CPSF6: variants seen among roughly 807,000 people sequenced by gnomAD.
CPSF6 encodes the protein cleavage and polyadenylation specificity factor subunit 6.
CPSF6 carries 10 observed loss-of-function variants against 56.7 expected under a neutral mutation model. The ratio of observed to expected loss-of-function variants is 0.18; its 90% CI spans 0.11 to 0.30. The LOEUF (loss-of-function observed/expected upper bound fraction) is 0.30. Ranked by LOEUF, CPSF6 falls within the 10% of genes least tolerant of loss-of-function variation. The pLI, the probability that CPSF6 is intolerant of heterozygous loss-of-function variation, is 1.00. For synonymous variants in CPSF6, 248 were observed against 244.8 expected (o/e 1.01, Z -0.12); for missense variants, 419 against 722.9 (o/e 0.58, Z 4.82).
Position 69,247,510 on chromosome 12 carries a change from TTTC to T in CPSF6, c.61-3616_61-3614del, listed in dbSNP as rs542969593. Among the ~76,000 whole-genome samples the T allele has an allele frequency of 4.7e-3, 710 of 152,288 alleles. 3 individuals are homozygous for T. Among genetic ancestry groups the T allele is most frequent in the African/African-American group, 0.016 (666 of 41,564 alleles). ...ATAATTAGAGGAATGATGTTGATAT[TTTC>T]TTGTTTTTTGAATGCCATTAAAATT... is the stretch of plus-strand genomic sequence containing the variant. On this transcript the variant is annotated intron_variant, in intron 1 of 9. Coordinates refer to ENST00000435070, the MANE Select transcript of CPSF6 (RefSeq NM_007007.3).
At position 69,241,497 on chromosome 12, in the gene CPSF6, AAAG is replaced by A. The variant is rs879584810; in HGVS notation, c.60+1797_60+1799del. ...TTGGTTCACCTTTCTATGCACAATA[AAAG>A]AAGAATTGGGTCTCAATTTTAGAAG... is the stretch of plus-strand genomic sequence containing the variant. On this transcript the variant is annotated intron_variant, in intron 1 of 9. Transcript: ENST00000435070. 4.6e-5 allele frequency among the ~76,000 whole-genome samples: 7 copies of A among 152,354 alleles called. No homozygotes were observed. The East Asian group carries it at 5.8e-4, about 13-fold the overall frequency.
intron 9 of CPSF6, among the ~76,000 whole-genome samples, chr12:69,267,993 C>T (rs1343453828): frequency 6.6e-6 from 1 of 151,658 alleles, no homozygotes. Flanking sequence ...AATAGTTTTT[C>T]CCTCTTAATG....
chr12:69,245,052 G>T (rs545069753), intron 1 of CPSF6, among the ~76,000 whole-genome samples: 2 of 149,326 alleles, frequency 1.3e-5, no homozygotes, highest in African/African-American at 4.9e-5. Context: ...GAGGCCAGGA[G>T]TTCGAGACCA....
At chr12:69,242,563 T>C (rs992194654) in intron 1 of CPSF6, among the ~76,000 whole-genome samples, 1 of 152,198 alleles carries the variant, frequency 6.6e-6, no homozygotes, top group Non-Finnish European at 1.5e-5. Context: ...CACAAGGGAC[T>C]GGCTACTCCT....
At chr12:69,248,647 AG>A (rs1872040288) in intron 1 of CPSF6, among the ~76,000 whole-genome samples, 1 of 152,188 alleles carries the variant, frequency 6.6e-6, no homozygotes. Context: ...AGATTATTTT[AG>A]TATTGCTGTA....
rs1873220158 is a variant in CPSF6 at position 69,271,143 on chromosome 12, T to C, written c.*1635T>C. 6.6e-6 allele frequency: 1 copy of C among 152,202 alleles called. No individual in the cohort carries two copies. Among genetic ancestry groups the C allele is most frequent in the Non-Finnish European group, 1.5e-5 (1 of 67,694 alleles). The allele number at this position is 152,202 out of a possible 1,614,324, so 9.4% of individuals were successfully genotyped here. ...ACTGCCAGTTTTATTTTAAAATATT[T>C]TGTGTTTGAAGTATCTGTGCATGGG... On this transcript the variant is annotated 3_prime_UTR_variant, in exon 10 of 10. Transcript: ENST00000435070.
At position 69,259,044 on chromosome 12, in the gene CPSF6, A is replaced by G; in HGVS notation, c.1149A>G (p.Pro383=). The G allele has an allele frequency of 6.2e-7, 1 of 1,605,612 alleles. No homozygotes were observed. The highest frequency in any genetic ancestry group is 1.7e-5 in the Admixed American group (1 of 60,020). Residue 383 remains proline (P), a synonymous_variant, in exon 6 of 10, where the codon CCA becomes CCG. Transcript: ENST00000435070. ...SDSRGPPPTD[P]YGRPPPYDRG... Reference sequence around the variant, plus strand: ...GCCGAGGTCCACCACCAACAGATCCATATGGGCGACCTCCACCATATGATA... The same window carrying G: ...GCCGAGGTCCACCACCAACAGATCCGTATGGGCGACCTCCACCATATGATA...
chr12:69,247,326 A>G (rs544831803), intron 1 of CPSF6, among the ~76,000 whole-genome samples: 92 of 151,806 alleles, frequency 6.1e-4, no homozygotes, highest in African/African-American at 2.0e-3. Context: ...CTAAAGAATG[A>G]TTGTAGTGAT....
Position 69,272,522 on chromosome 12 carries a change from CTT to C in CPSF6, c.*3017_*3018del, listed in dbSNP as rs1176123839. The C allele has an allele frequency of 6.6e-6, 1 of 151,614 alleles. No individual in the cohort carries two copies. The highest frequency in any genetic ancestry group is 1.9e-4 in the East Asian group (1 of 5,194). 9.4% of individuals were successfully genotyped at this position (151,614 alleles called of 1,614,324 possible). A position where few individuals can be genotyped will look rare whatever the true frequency, so the allele number is the denominator to read the frequency against. ...TTATACAATGAGATGCATTACAAGACTTTTCTGTTGGAGTGCTCTCGACATTT... is the reference window on the plus strand; with the variant it reads ...TTATACAATGAGATGCATTACAAGACTTCTGTTGGAGTGCTCTCGACATTT... On this transcript the variant is annotated 3_prime_UTR_variant, in exon 10 of 10. Coordinates refer to ENST00000435070, the MANE Select transcript of CPSF6 (RefSeq NM_007007.3).
rs540151199 is a variant in CPSF6, at chr12:69,245,824, GC to G, written c.61-5303del. 2.0e-5 allele frequency among the ~76,000 whole-genome samples: 3 copies of G among 152,310 alleles called. No individual in the cohort carries two copies. The East Asian group carries it at 5.8e-4, about 29-fold the overall frequency. Reference sequence around the variant, plus strand: ...GTGTAGGCCAGGTGCGGTGGCTCATGCCTATAATTCCAGCAGTTTGGGAGGC... The same window carrying G: ...GTGTAGGCCAGGTGCGGTGGCTCATGCTATAATTCCAGCAGTTTGGGAGGC... On this transcript the variant is annotated intron_variant, in intron 1 of 9. Coordinates refer to ENST00000435070, the MANE Select transcript of CPSF6 (RefSeq NM_007007.3).
chr12:69,268,486 G>T (rs1276223528), intron 9 of CPSF6, among the ~76,000 whole-genome samples: 1 of 151,576 alleles, frequency 6.6e-6, no homozygotes. Context: ...ACTCTTAATT[G>T]TAGAGCAAAA....
Position 69,262,511 on chromosome 12 carries a change from A to AGACCGT in CPSF6, c.1614_1619dup (p.Asp539_Arg540dup), listed in dbSNP as rs761684188. On this transcript the variant is annotated inframe_insertion, in exon 9 of 10. Coordinates refer to ENST00000435070, the MANE Select transcript of CPSF6 (RefSeq NM_007007.3). Reference sequence around the variant, plus strand: ...GAGAGAGGCACCGGGATCGTGACCGAGACCGTGACCGAGAGCGTGACCGAG... The same window carrying AGACCGT: ...GAGAGAGGCACCGGGATCGTGACCGAGACCGTGACCGTGACCGAGAGCGTGACCGAG... 3.1e-6 allele frequency: 5 copies of AGACCGT among 1,614,020 alleles called. No individual in the cohort carries two copies. Among genetic ancestry groups the AGACCGT allele is most frequent in the Non-Finnish European group, 4.2e-6 (5 of 1,179,914 alleles).
At chr12:69,263,718 A>T (rs1872847714) in intron 9 of CPSF6, among the ~76,000 whole-genome samples, 1 of 152,084 alleles carries the variant, frequency 6.6e-6, no homozygotes, top group African/African-American at 2.4e-5. Context: ...ACAGAATACC[A>T]ATTTCTTTAA....
At chr12:69,262,696 A>C in intron 9 of CPSF6, 134 bp downstream of exon 9, 1 of 1,125,564 alleles carries the variant, frequency 8.9e-7, no homozygotes, top group South Asian at 3.4e-5. Flanking sequence ...TTCTGGAAAC[A>C]TCTGAAACAA....
intron 9 of CPSF6, among the ~76,000 whole-genome samples, chr12:69,268,878 CTAAAAG>C (rs1380576927): frequency 6.6e-6 from 1 of 151,592 alleles, no homozygotes; most frequent in East Asian, 1.9e-4. Flanking sequence ...GTGGAATAGA[CTAAAAG>C]TAAAGTAAAT....
chr12:69,259,611 A>G, intron 7 of CPSF6, 68 bp downstream of exon 7: 1 of 1,287,044 alleles, frequency 7.8e-7, no homozygotes, highest in Non-Finnish European at 1.1e-6. Flanking sequence ...ATGTAAGTAC[A>G]ATCTAGAAGA....
intron 1 of CPSF6, among the ~76,000 whole-genome samples, chr12:69,243,946 G>C (rs1469442816): frequency 6.6e-6 from 1 of 152,166 alleles, no homozygotes; most frequent in Non-Finnish European, 1.5e-5. Context: ...CAGTCCTCCT[G>C]TCTTAGTCTC....
intron 1 of CPSF6, among the ~76,000 whole-genome samples, chr12:69,250,469 GA>G (rs1872176138): frequency 6.6e-6 from 1 of 150,862 alleles, no homozygotes; most frequent in Non-Finnish European, 1.5e-5. Flanking sequence ...TCGTTATATA[GA>G]AATTAACTTT....
At chr12:69,253,987 T>C (rs1872379658) in intron 3 of CPSF6, among the ~76,000 whole-genome samples, 1 of 152,156 alleles carries the variant, frequency 6.6e-6, no homozygotes, top group South Asian at 2.1e-4. Context: ...TGCTTACTTA[T>C]CTTAGAAGAT....
Sources: gnomAD v4.1 joint callset for allele counts (sites outside exome capture counted in the v4.1 genomes callset) on GRCh38, gnomAD v4.1.1 for gene constraint, MANE v1.5 for transcripts, NCBI Gene and HGNC (gene_info 2026-07-23, HGNC 2026-07-21) for gene names.